MED29: variants seen among roughly 807,000 people sequenced by gnomAD.
MED29 encodes the protein mediator of RNA polymerase II transcription subunit 29.
Under a neutral mutation model 22.0 loss-of-function variants are expected in MED29, and 14 were observed. The observed-to-expected ratio is 0.64, with a 90% CI of 0.42 to 0.99. MED29 has a LOEUF of 0.99. Ranked by LOEUF, MED29 falls within the 50% of genes least tolerant of loss-of-function variation. The pLI is 0.00. For synonymous variants in MED29, 123 were observed against 107.8 expected (o/e 1.14, Z -0.87); for missense variants, 241 against 253.7 (o/e 0.95, Z 0.34).
rs548454573 is a variant in MED29, at chr19:39,392,056, G to T, written c.217-408G>T. Among the ~76,000 whole-genome samples, 3 of 152,272 alleles carry T rather than the reference G, an allele frequency of 2.0e-5. No individual in the cohort carries two copies. In the South Asian group the frequency reaches 6.2e-4, roughly 32 times the overall value. The stretch of plus-strand genomic sequence containing the variant: ...AAATAAATAAATAAATAAAACTGTT[G>T]TTTTCTGCGAGACCTAAGCGAAGCT... On this transcript the variant is annotated intron_variant, in intron 1 of 3. Coordinates refer to ENST00000315588, the MANE Select transcript of MED29 (RefSeq NM_017592.4).
rs1367477259 is a variant in MED29, at chr19:39,399,864, C to G, written c.*2165C>G. Reference sequence around the variant, plus strand: ...GCCTACCAATGCTTAAAACCACACCCAGGGAGCCCACAGAGGCACTCAGTG... The same window carrying G: ...GCCTACCAATGCTTAAAACCACACCGAGGGAGCCCACAGAGGCACTCAGTG... On this transcript the variant is annotated 3_prime_UTR_variant, in exon 4 of 4. Coordinates refer to ENST00000315588, the MANE Select transcript of MED29 (RefSeq NM_017592.4). 1 of 152,194 alleles carries G rather than the reference C, an allele frequency of 6.6e-6. No homozygotes were observed. The highest frequency in any genetic ancestry group is 1.5e-5 in the Non-Finnish European group (1 of 68,050). 9.4% of individuals were successfully genotyped at this position (152,194 alleles called of 1,614,324 possible).
rs2078450664 is a variant in MED29 at position 39,399,609 on chromosome 19, T to C, written c.*1910T>C. ...CACATCTCCTTAACCACACTTAATC[T>C]CCAAATAAGTACGATAACATAGTCA... On this transcript the variant is annotated 3_prime_UTR_variant, in exon 4 of 4. Coordinates refer to ENST00000315588, the MANE Select transcript of MED29 (RefSeq NM_017592.4). 6.6e-6 allele frequency: 1 copy of C among 152,230 alleles called. No homozygotes were observed. Among genetic ancestry groups the C allele is most frequent in the South Asian group, 2.1e-4 (1 of 4,840 alleles). 9.4% of individuals were successfully genotyped at this position (152,230 alleles called of 1,614,324 possible).
At chr19:39,393,121 A>C (rs1415297366) in intron 2 of MED29, among the ~76,000 whole-genome samples, 1 of 90,162 alleles carries the variant, frequency 1.1e-5, no homozygotes, top group African/African-American at 4.4e-5. Context: ...TTTGAGACAG[A>C]GTCTTGCTCT....
Position 39,397,724 on chromosome 19 carries a change from G to A in MED29, c.*25G>A, listed in dbSNP as rs2078436983. On this transcript the variant is annotated 3_prime_UTR_variant, in exon 4 of 4. Coordinates refer to ENST00000315588, the MANE Select transcript of MED29 (RefSeq NM_017592.4). ...AAGTGGGGGACAGGGAGTGGGGCAG[G>A]CAGTGGTTGGTGGGTGGTGTGCAAA... The A allele has an allele frequency of 2.5e-6, 4 of 1,597,726 alleles. No homozygotes were observed. The highest frequency in any genetic ancestry group is 3.4e-6 in the Non-Finnish European group (4 of 1,175,918).
chr19:39,397,853 C>G lies in MED29; in HGVS notation c.*154C>G. 1 of 1,309,392 alleles carries G rather than the reference C, an allele frequency of 7.6e-7. No homozygotes were observed. The allele number at this position is 1,309,392 out of a possible 1,614,324, so 81.1% of individuals were successfully genotyped here. A position where few individuals can be genotyped will look rare whatever the true frequency, so the allele number is the denominator to read the frequency against. On this transcript the variant is annotated 3_prime_UTR_variant, in exon 4 of 4. Coordinates refer to ENST00000315588, the MANE Select transcript of MED29 (RefSeq NM_017592.4). ...GGGCAGCAGAGGCCAACAGGGAGCT[C>G]GCAGGCCGGGCCCCTGCGTCCCTGC...
chr19:39,397,629 T>C lies in MED29; in HGVS notation c.533T>C (p.Leu178Pro). The change falls in exon 4 of 4, where the codon CTG (leucine) becomes CCG (proline). Residue 178 changes from leucine to proline, a missense_variant. By Grantham distance (98) the Leu-to-Pro change is moderately conservative. Transcript: ENST00000315588. ...TGTGCCAAGGACATTCACACCGCCC[T>C]GCTGGACTGTGCCAACAAGGTCACG... Reference protein sequence around the residue: ...ISCAKDIHTALLDCANKVTGK... With the variant: ...ISCAKDIHTAPLDCANKVTGK... 1 of 1,613,490 alleles carries C rather than the reference T, an allele frequency of 6.2e-7. No homozygotes were observed.
At position 39,399,511 on chromosome 19, in the gene MED29, G is replaced by A. The variant is rs1170600341; in HGVS notation, c.*1812G>A. 1.3e-5 allele frequency: 2 copies of A among 152,216 alleles called. No homozygotes were observed. The highest frequency in any genetic ancestry group is 4.8e-5 in the African/African-American group (2 of 41,436). 9.4% of individuals were successfully genotyped at this position (152,216 alleles called of 1,614,324 possible). On this transcript the variant is annotated 3_prime_UTR_variant, in exon 4 of 4. Transcript: ENST00000315588. The stretch of plus-strand genomic sequence containing the variant: ...ATCACACTATTGCACTCCAGCCTGG[G>A]CGACAGGGCAAGACTCTGTCTCAAA...
rs146048872 is a variant in MED29, at chr19:39,400,523, G to A, written c.*2824G>A. 229 of 152,292 alleles carry A rather than the reference G, an allele frequency of 1.5e-3. 1 individual carries two copies. Among genetic ancestry groups the A allele is most frequent in the African/African-American group, 4.8e-3 (198 of 41,554 alleles). 9.4% of individuals were successfully genotyped at this position (152,292 alleles called of 1,614,324 possible). On this transcript the variant is annotated 3_prime_UTR_variant, in exon 4 of 4. Transcript: ENST00000315588. ...ATGTAACATCTGCATATGGAGAATC[G>A]TGTTACTTTATTGAAAAACATTAAA...
intron 3 of MED29, 36 bp from the exon 4 acceptor site, chr19:39,397,421 G>T: frequency 6.9e-6 from 11 of 1,586,906 alleles, no homozygotes; most frequent in Non-Finnish European, 9.4e-6. Flanking sequence ...GACCTCGGGT[G>T]GAGCTGATGC....
intron 2 of MED29, among the ~76,000 whole-genome samples, chr19:39,393,072 CTTTCTTTTCTTTTTTTTTTTTTTTT>C (rs1378612730): frequency 8.1e-5 from 7 of 86,142 alleles, no homozygotes; most frequent in Non-Finnish European, 1.1e-4. Flanking sequence ...TTCTTTCTTT[CTTTCTTTTCTTTTTTTTTTTTTTTT>C]TTTTTTTTTT....
At chr19:39,396,081 G>A (rs2078426981) in intron 3 of MED29, among the ~76,000 whole-genome samples, 1 of 152,168 alleles carries the variant, frequency 6.6e-6, no homozygotes, top group Admixed American at 6.5e-5. Flanking sequence ...GCCCTGGGAG[G>A]GCTTGAACAG....
Position 39,391,548 on chromosome 19 carries a change from C to G in MED29, c.126C>G (p.Ala42=), listed in dbSNP as rs374855540. Residue 42 remains alanine (A), a synonymous_variant, in exon 1 of 4, where the codon GCC becomes GCG. Transcript: ENST00000315588. ...CGCCAGCACAACTGGTGGGCCCTGC[C>G]CAGAGCGGCCTCCTGCAGCAACAGC... ...PQPPAQLVGP[A]QSGLLQQQQQ... 1.3e-4 allele frequency: 204 copies of G among 1,613,666 alleles called. No homozygotes were observed. Among genetic ancestry groups the G allele is most frequent in the Non-Finnish European group, 1.7e-4 (200 of 1,180,000 alleles).
At position 39,398,020 on chromosome 19, in the gene MED29, G is replaced by C; in HGVS notation, c.*321G>C. ...CCCTCTCCCTCAGTCCTTCCTGACTGTCTCCAGCTGGGAGGTGGTCTCTGT... is the reference window on the plus strand; with the variant it reads ...CCCTCTCCCTCAGTCCTTCCTGACTCTCTCCAGCTGGGAGGTGGTCTCTGT... On this transcript the variant is annotated 3_prime_UTR_variant, in exon 4 of 4. Transcript: ENST00000315588. The C allele has an allele frequency of 1.9e-6, 1 of 520,590 alleles. No homozygotes were observed. The allele number at this position is 520,590 out of a possible 1,614,324, so 32.2% of individuals were successfully genotyped here.
intron 3 of MED29, among the ~76,000 whole-genome samples, chr19:39,395,921 A>C (rs1161494409): frequency 6.6e-6 from 1 of 151,828 alleles, no homozygotes; most frequent in East Asian, 1.9e-4. Flanking sequence ...CGTCTCAAAA[A>C]AAAAAAAGGA....
In MED29 at chr19:39,392,579, ATC is replaced by A. The variant is rs548994221; in HGVS notation, c.275+59_275+60del. ...ATTGCCTTCCCAGTCTTTGAAATTCATCTTTCCTTCTCCTGCTCCCCGCCCAC... is the reference window on the plus strand; with the variant it reads ...ATTGCCTTCCCAGTCTTTGAAATTCATTTCCTTCTCCTGCTCCCCGCCCAC... On this transcript the variant is annotated intron_variant, in intron 2 of 3. Coordinates refer to ENST00000315588, the MANE Select transcript of MED29 (RefSeq NM_017592.4). 1.3e-3 allele frequency: 1,938 copies of A among 1,477,594 alleles called. 24 individuals are homozygous for A. The African/African-American group carries it at 0.025, about 19-fold the overall frequency. The allele number at this position is 1,477,594 out of a possible 1,614,324, so 91.5% of individuals were successfully genotyped here.
At chr19:39,394,556 CTTTTTTTTT>C (rs775465635) in intron 3 of MED29, among the ~76,000 whole-genome samples, 1 of 69,254 alleles carries the variant, frequency 1.4e-5, no homozygotes, top group Non-Finnish European at 2.5e-5. Flanking sequence ...TGCACCCGGC[CTTTTTTTTT>C]TTTTTTTTTT....
chr19:39,396,160 G>A (rs2078427232), intron 3 of MED29, among the ~76,000 whole-genome samples: 1 of 152,130 alleles, frequency 6.6e-6, no homozygotes, highest in African/African-American at 2.4e-5. Context: ...CCTAGAGCTG[G>A]TCAGGCGCGG....
Position 39,394,556 on chromosome 19 carries a change from C to CTTT in MED29, c.360+943_360+945dup, listed in dbSNP as rs775465635. On this transcript the variant is annotated intron_variant, in intron 3 of 3. Coordinates refer to ENST00000315588, the MANE Select transcript of MED29 (RefSeq NM_017592.4). The stretch of plus-strand genomic sequence containing the variant: ...ACAAGCATGAGCCACTGCACCCGGC[C>CTTT]TTTTTTTTTTTTTTTTTTTTTTTTT... 1.4e-3 allele frequency among the ~76,000 whole-genome samples: 95 copies of CTTT among 69,252 alleles called. 7 individuals are homozygous for CTTT. The highest frequency in any genetic ancestry group is 9.1e-3 in the East Asian group (21 of 2,312). 45.4% of individuals were successfully genotyped at this position (69,252 alleles called of 152,430 possible). A position where few individuals can be genotyped will look rare whatever the true frequency, so the allele number is the denominator to read the frequency against.
chr19:39,391,727 G>A, intron 1 of MED29, 89 bp downstream of exon 1: 2 of 1,444,532 alleles, frequency 1.4e-6, no homozygotes, highest in Non-Finnish European at 9.2e-7. Flanking sequence ...AGAGCGCTAA[G>A]CAGAAAGAGG....
Sources: allele counts gnomAD v4.1 joint callset (sites outside exome capture counted in the v4.1 genomes callset), GRCh38; gene constraint gnomAD v4.1.1; transcripts MANE v1.5; gene names NCBI Gene and HGNC (gene_info 2026-07-23, HGNC 2026-07-21).